The following PPTC7 variants were observed in gnomAD, a reference collection of about 807,000 sequenced individuals.
PPTC7 encodes the protein protein phosphatase PTC7 homolog.
PPTC7 carries 6 observed loss-of-function variants against 30.8 expected under a neutral mutation model. That is an observed-to-expected ratio of 0.19 (90% CI 0.11 to 0.38). PPTC7 has a LOEUF of 0.38. Ranked by LOEUF, PPTC7 falls within the 10% of genes least tolerant of loss-of-function variation. The pLI is 1.00. For synonymous variants in PPTC7, 163 were observed against 168.1 expected (o/e 0.97, Z 0.23); for missense variants, 218 against 404.8 (o/e 0.54, Z 3.96).
At chr12:110,537,159 TTAAA>T (rs1256813217) in intron 5 of PPTC7, 64 bp from the exon 6 acceptor site, 13 of 1,294,628 alleles carry the variant, frequency 1.0e-5, no homozygotes, top group Admixed American at 8.4e-5. Flanking sequence ...AAATGTGTAC[TTAAA>T]TTAAGTACTA....
chr12:110,563,615 C>CA (rs199927043), intron 1 of PPTC7, among the ~76,000 whole-genome samples: 4,002 of 122,944 alleles, frequency 0.033, 126 homozygotes, highest in African/African-American at 0.093. Context: ...AAATCTGTCT[C>CA]AAAAAAAAAA....
Position 110,575,791 on chromosome 12 carries a change from AAGTT to A in PPTC7, c.223+7014_223+7017del, listed in dbSNP as rs1159757887. Among the ~76,000 whole-genome samples the A allele has an allele frequency of 9.9e-5, 15 of 152,182 alleles. No individual in the cohort carries two copies. In the East Asian group the frequency reaches 2.7e-3, roughly 27 times the overall value. On this transcript the variant is annotated intron_variant, in intron 1 of 5. Transcript: ENST00000354300. ...GTTAACAAATCAAGAGATAAACTGT[AAGTT>A]AGGAAAATTTTAAACTAAGCTAGAA... is the stretch of plus-strand genomic sequence containing the variant.
At chr12:110,580,014 C>G (rs538760871) in intron 1 of PPTC7, among the ~76,000 whole-genome samples, 50 of 151,120 alleles carry the variant, frequency 3.3e-4, no homozygotes, top group African/African-American at 1.2e-3. Flanking sequence ...ACTCCATACC[C>G]GCACCCCCCA....
chr12:110,539,981 G>A, intron 3 of PPTC7, 36 bp from the exon 4 acceptor site: 1 of 1,602,092 alleles, frequency 6.2e-7, no homozygotes, highest in South Asian at 1.1e-5. Context: ...AAGTTAAGAA[G>A]GCCCTTTACA....
chr12:110,534,981 T>C lies in PPTC7; in HGVS notation c.*2056A>G, dbSNP rs1164242062. The C allele has an allele frequency of 3.9e-5, 6 of 152,634 alleles. No individual in the cohort carries two copies. The highest frequency in any genetic ancestry group is 2.1e-4 in the South Asian group (1 of 4,836). The allele number at this position is 152,634 out of a possible 1,614,324, so 9.5% of individuals were successfully genotyped here. Reference sequence around the variant, plus strand: ...GGCTACATACTCTTACCAAAAATAATTGAAAACCTAAACAAAAGAGCTGAA... The same window carrying C: ...GGCTACATACTCTTACCAAAAATAACTGAAAACCTAAACAAAAGAGCTGAA... On this transcript the variant is annotated 3_prime_UTR_variant, in exon 6 of 6. Transcript: ENST00000354300.
chr12:110,534,039 T>G lies in PPTC7; in HGVS notation c.*2998A>C, dbSNP rs2064197672. The G allele has an allele frequency of 6.6e-6, 1 of 152,136 alleles. No individual in the cohort carries two copies. Among genetic ancestry groups the G allele is most frequent in the Admixed American group, 6.6e-5 (1 of 15,260 alleles). 9.4% of individuals were successfully genotyped at this position (152,136 alleles called of 1,614,324 possible). A position where few individuals can be genotyped will look rare whatever the true frequency, so the allele number is the denominator to read the frequency against. ...AACCATGTCAAGCAAGTACAGTAAC[T>G]CAGGACAAATAACTTGTTCCCCCTG... On this transcript the variant is annotated 3_prime_UTR_variant, in exon 6 of 6. Coordinates refer to ENST00000354300, the MANE Select transcript of PPTC7 (RefSeq NM_139283.2).
chr12:110,557,947 C>CA (rs1197564201), intron 1 of PPTC7, among the ~76,000 whole-genome samples: 1 of 152,128 alleles, frequency 6.6e-6, no homozygotes, highest in Non-Finnish European at 1.5e-5. Flanking sequence ...ACTTCACTAT[C>CA]ACAATAGCAG....
intron 1 of PPTC7, among the ~76,000 whole-genome samples, chr12:110,554,265 C>G (rs2064370077): frequency 6.6e-6 from 1 of 152,134 alleles, no homozygotes; most frequent in African/African-American, 2.4e-5. Context: ...TCTTGAACTC[C>G]CAGGCTTAAG....
chr12:110,552,871 C>A (rs911032432), intron 1 of PPTC7, among the ~76,000 whole-genome samples: 4 of 147,876 alleles, frequency 2.7e-5, no homozygotes, highest in African/African-American at 1.1e-4. Context: ...CTCAAAAAAA[C>A]AAACAAACAA....
intron 1 of PPTC7, among the ~76,000 whole-genome samples, chr12:110,574,435 G>C (rs12312369): frequency 6.8e-6 from 1 of 147,882 alleles, no homozygotes; most frequent in South Asian, 2.1e-4. Context: ...AACTGGCTTA[G>C]AAAAAAAAAA....
rs368832426 is a variant in PPTC7, at chr12:110,568,454, A to G, written c.223+14355T>C. ...TTTTTAGTAGAGATGGGGTTTCACC[A>G]TGTTAGCCAGGATGGTCTCGATCTC... On this transcript the variant is annotated intron_variant, in intron 1 of 5. Coordinates refer to ENST00000354300, the MANE Select transcript of PPTC7 (RefSeq NM_139283.2). Among the ~76,000 whole-genome samples, 114 of 151,998 alleles carry G rather than the reference A, an allele frequency of 7.5e-4. 2 individuals are homozygous for G. The South Asian group carries it at 0.023, about 31-fold the overall frequency.
In PPTC7 at chr12:110,536,912, CA is replaced by C. The variant is rs2064222627; in HGVS notation, c.*124del. The C allele has an allele frequency of 1.4e-6, 1 of 706,646 alleles. No homozygotes were observed. The allele number at this position is 706,646 out of a possible 1,614,324, so 43.8% of individuals were successfully genotyped here. The stretch of plus-strand genomic sequence containing the variant: ...TCTCAACGAGTCTCAAGAAGACAGG[CA>C]AAAGACTTACATCACTGGCCATTGA... On this transcript the variant is annotated 3_prime_UTR_variant, in exon 6 of 6. Transcript: ENST00000354300.
At chr12:110,571,402 G>A (rs1255841878) in intron 1 of PPTC7, among the ~76,000 whole-genome samples, 1 of 151,518 alleles carries the variant, frequency 6.6e-6, no homozygotes, top group Non-Finnish European at 1.5e-5. Flanking sequence ...GGAATGATTG[G>A]GCCATTATTA....
Position 110,583,262 on chromosome 12 carries a change from A to C in PPTC7, c.-231T>G, listed in dbSNP as rs369408337. On this transcript the variant is annotated 5_prime_UTR_variant, in exon 1 of 6. Coordinates refer to ENST00000354300, the MANE Select transcript of PPTC7 (RefSeq NM_139283.2). ...GCGGCGGCTCCTCCGCCTCAGCCCA[A>C]CTGAAGTCCCGGCTGCAGCGGCCGC... The C allele has an allele frequency of 8.1e-5, 12 of 147,516 alleles. No individual in the cohort carries two copies. The East Asian group carries it at 1.4e-3, about 17-fold the overall frequency. 9.1% of individuals were successfully genotyped at this position (147,516 alleles called of 1,614,324 possible). A position where few individuals can be genotyped will look rare whatever the true frequency, so the allele number is the denominator to read the frequency against.
At chr12:110,557,554 G>A (rs543809138) in intron 1 of PPTC7, among the ~76,000 whole-genome samples, 2 of 152,260 alleles carry the variant, frequency 1.3e-5, no homozygotes, top group South Asian at 4.1e-4. Flanking sequence ...CCGAGATTAT[G>A]GGCATGAGCC....
chr12:110,540,310 T>TCC lies in PPTC7; in HGVS notation c.603-367_603-366dup, dbSNP rs1235977655. 7.3e-3 allele frequency among the ~76,000 whole-genome samples: 765 copies of TCC among 104,208 alleles called. 8 individuals are homozygous for TCC. Among genetic ancestry groups the TCC allele is most frequent in the African/African-American group, 0.02 (521 of 26,228 alleles). The allele number at this position is 104,208 out of a possible 152,430, so 68.4% of individuals were successfully genotyped here. On this transcript the variant is annotated intron_variant, in intron 3 of 5. Coordinates refer to ENST00000354300, the MANE Select transcript of PPTC7 (RefSeq NM_139283.2). Reference sequence around the variant, plus strand: ...CCTAATTCTTTACAGCCGAATTCCATCCCCCCCCGCCTTTTTTTTTTTTTT... The same window carrying TCC: ...CCTAATTCTTTACAGCCGAATTCCATCCCCCCCCCCGCCTTTTTTTTTTTTTT...
rs532172877 is a variant in PPTC7, at chr12:110,536,841, C to T, written c.*196G>A. 5.4e-5 allele frequency: 28 copies of T among 519,764 alleles called. No homozygotes were observed. In the South Asian group the frequency reaches 9.9e-4, roughly 18 times the overall value. The allele number at this position is 519,764 out of a possible 1,614,324, so 32.2% of individuals were successfully genotyped here. A position where few individuals can be genotyped will look rare whatever the true frequency, so the allele number is the denominator to read the frequency against. On this transcript the variant is annotated 3_prime_UTR_variant, in exon 6 of 6. Transcript: ENST00000354300. ...AATATTGGATCTCTTCAATTGCTGCCGGCAGATATGAGCTAGTGAATGATA... is the reference window on the plus strand; with the variant it reads ...AATATTGGATCTCTTCAATTGCTGCTGGCAGATATGAGCTAGTGAATGATA...
At chr12:110,574,650 T>C (rs762083960) in intron 1 of PPTC7, among the ~76,000 whole-genome samples, 25 of 152,218 alleles carry the variant, frequency 1.6e-4, no homozygotes, top group African/African-American at 6.0e-4. Flanking sequence ...ATAAGTCGTG[T>C]GTTAGCCTAA....
intron 1 of PPTC7, among the ~76,000 whole-genome samples, chr12:110,568,253 G>A (rs886094522): frequency 1.5e-5 from 2 of 132,040 alleles, no homozygotes; most frequent in African/African-American, 2.8e-5. Context: ...AATCTCATGC[G>A]TTTTTTTTTT....
Sources: gnomAD v4.1 joint callset for allele counts (sites outside exome capture counted in the v4.1 genomes callset) on GRCh38, gnomAD v4.1.1 for gene constraint, MANE v1.5 for transcripts, NCBI Gene and HGNC (gene_info 2026-07-23, HGNC 2026-07-21) for gene names.